PCDH9: variants seen among roughly 807,000 people sequenced by gnomAD.
The protein encoded by PCDH9 is protocadherin-9.
Under a neutral mutation model 70.6 loss-of-function variants are expected in PCDH9, and 24 were observed. The ratio of observed to expected loss-of-function variants is 0.34; its 90% CI spans 0.25 to 0.48. The LOEUF is 0.48. Ranked by LOEUF, PCDH9 falls within the 20% of genes least tolerant of loss-of-function variation. The pLI, the probability that PCDH9 is intolerant of heterozygous loss-of-function variation, is 0.99. For missense variants in PCDH9, 1,281 were observed against 1,503.6 expected (o/e 0.85, Z 2.45); for synonymous variants, 562 against 558.5 (o/e 1.01, Z -0.09).
chr13:66,370,078 G>A (rs1210797850), intron 4 of PCDH9, among the ~76,000 whole-genome samples: 2 of 152,110 alleles, frequency 1.3e-5, no homozygotes, highest in East Asian at 3.9e-4. Context: ...CCTCTTCACT[G>A]CACTCAACAC....
intron 2 of PCDH9, among the ~76,000 whole-genome samples, chr13:66,949,990 C>T (rs1010560800): frequency 6.6e-6 from 1 of 151,672 alleles, no homozygotes; most frequent in Non-Finnish European, 1.5e-5. Flanking sequence ...CTTCTAGGTT[C>T]GATATTCACT....
chr13:66,458,852 C>T (rs1192950919), intron 4 of PCDH9, among the ~76,000 whole-genome samples: 2 of 151,966 alleles, frequency 1.3e-5, no homozygotes, highest in Non-Finnish European at 2.9e-5. Flanking sequence ...CAAATTATAC[C>T]AACTATACAT....
At chr13:66,334,487 A>T (rs991779111) in intron 4 of PCDH9, among the ~76,000 whole-genome samples, 3 of 152,070 alleles carry the variant, frequency 2.0e-5, no homozygotes, top group Non-Finnish European at 4.4e-5. Flanking sequence ...GACCCCCAAC[A>T]GAAAGGGAAA....
intron 4 of PCDH9, among the ~76,000 whole-genome samples, chr13:66,340,472 G>A (rs944614266): frequency 2.6e-5 from 4 of 152,108 alleles, no homozygotes; most frequent in African/African-American, 9.7e-5. Flanking sequence ...ATTTTTAATC[G>A]CAAACAAAAC....
intron 2 of PCDH9, chr13:67,207,075 C>A (rs2089367058): frequency 2.6e-5 from 4 of 151,640 alleles, no homozygotes; most frequent in Non-Finnish European, 5.9e-5. Context: ...TAAAGTATCT[C>A]CCCATGTCTC....
In PCDH9 at chr13:66,392,787, C is replaced by T. The variant is rs181567033; in HGVS notation, c.3341-87759G>A. On this transcript the variant is annotated intron_variant, in intron 4 of 4. Transcript: ENST00000377865. ...GTAGCATCTTTATATTTCTGAATTG[C>T]CCCACCATGACTGAGCTAAAAAGAA... is the stretch of plus-strand genomic sequence containing the variant. Among the ~76,000 whole-genome samples, 9 of 152,110 alleles carry T rather than the reference C, an allele frequency of 5.9e-5. No individual in the cohort carries two copies. In the East Asian group the frequency reaches 1.5e-3, roughly 26 times the overall value.
At chr13:66,553,298 T>C (rs971936410) in intron 4 of PCDH9, among the ~76,000 whole-genome samples, 1 of 152,196 alleles carries the variant, frequency 6.6e-6, no homozygotes, top group Non-Finnish European at 1.5e-5. Flanking sequence ...TAGAGAATAG[T>C]TGAAATTTAC....
rs369262497 is a variant in PCDH9, at chr13:66,363,077, G to A, written c.3341-58049C>T. ...GCCTGTAATCTCAGCTACTCAGGAG[G>A]CTGAGGCTTTAGAATCGCTTGAACC... On this transcript the variant is annotated intron_variant, in intron 4 of 4. Coordinates refer to ENST00000377865, the MANE Select transcript of PCDH9 (RefSeq NM_203487.3). Among the ~76,000 whole-genome samples the A allele has an allele frequency of 4.6e-5, 7 of 152,222 alleles. No individual in the cohort carries two copies. In the East Asian group the frequency reaches 7.7e-4, roughly 17 times the overall value.
intron 4 of PCDH9, among the ~76,000 whole-genome samples, chr13:66,490,651 C>T (rs1959019352): frequency 6.6e-6 from 1 of 151,680 alleles, no homozygotes; most frequent in South Asian, 2.1e-4. Flanking sequence ...AGGTGGTGGT[C>T]TAAGAGAGTG....
chr13:66,325,740 T>A (rs1467295439), intron 4 of PCDH9, among the ~76,000 whole-genome samples: 1 of 151,032 alleles, frequency 6.6e-6, no homozygotes, highest in Non-Finnish European at 1.5e-5. Context: ...ACTCTTATTT[T>A]ATTCACAATT....
chr13:66,944,247 T>G (rs946667154), intron 2 of PCDH9, among the ~76,000 whole-genome samples: 2 of 130,246 alleles, frequency 1.5e-5, no homozygotes, highest in African/African-American at 3.8e-5. Flanking sequence ...CTAATAAATC[T>G]CTGTTTCTTT....
chr13:66,619,254 G>C (rs1019482060), intron 4 of PCDH9, among the ~76,000 whole-genome samples: 1 of 152,098 alleles, frequency 6.6e-6, no homozygotes, highest in African/African-American at 2.4e-5. Flanking sequence ...AAATCATAAA[G>C]TGAGCATAAC....
rs900807468 is a variant in PCDH9 at position 66,337,055 on chromosome 13, T to G, written c.3341-32027A>C. ...GAATGTTTCTTTCCCTAAAATAAAT[T>G]TGAAGATCATTTGAATATAAATTAA... On this transcript the variant is annotated intron_variant, in intron 4 of 4. Coordinates refer to ENST00000377865, the MANE Select transcript of PCDH9 (RefSeq NM_203487.3). Among the ~76,000 whole-genome samples the G allele has an allele frequency of 1.1e-4, 17 of 152,128 alleles. No homozygotes were observed. The East Asian group carries it at 3.3e-3, about 29-fold the overall frequency.
chr13:66,560,814 A>G (rs1388375468), intron 4 of PCDH9, among the ~76,000 whole-genome samples: 2 of 152,250 alleles, frequency 1.3e-5, no homozygotes, highest in Non-Finnish European at 2.9e-5. Context: ...TTCTACCTGT[A>G]GAAAAGTGAC....
In PCDH9 at chr13:66,982,475, G is replaced by A. The variant is rs566261772; in HGVS notation, c.3037-78870C>T. The stretch of plus-strand genomic sequence containing the variant: ...CATAGGCAAGTATTTGAATATAAGA[G>A]CTACATTATAATCCAATATTTGGTT... On this transcript the variant is annotated intron_variant, in intron 2 of 4. Coordinates refer to ENST00000377865, the MANE Select transcript of PCDH9 (RefSeq NM_203487.3). Among the ~76,000 whole-genome samples, 499 of 152,266 alleles carry A rather than the reference G, an allele frequency of 3.3e-3. 1 individual carries two copies. The highest frequency in any genetic ancestry group is 4.4e-3 in the Non-Finnish European group (301 of 68,010).
intron 2 of PCDH9, among the ~76,000 whole-genome samples, chr13:66,944,389 T>C (rs114436046): frequency 0.015 from 2,275 of 152,304 alleles, 48 homozygotes; most frequent in African/African-American, 0.052. Context: ...TCTCATTTCT[T>C]AGTACTTCCT....
chr13:66,818,937 A>AAAAAAACAAAAAAC (rs77488183), intron 3 of PCDH9, among the ~76,000 whole-genome samples: 12 of 146,582 alleles, frequency 8.2e-5, no homozygotes, highest in East Asian at 4.1e-4. Flanking sequence ...CCCGTCTCAA[A>AAAAAAACAAAAAAC]AAAAAACAAA....
At chr13:66,370,337 C>CAT (rs1956623661) in intron 4 of PCDH9, among the ~76,000 whole-genome samples, 1 of 151,984 alleles carries the variant, frequency 6.6e-6, no homozygotes, top group African/African-American at 2.4e-5. Context: ...TGGCTAATTA[C>CAT]ATAGATGGAC....
At chr13:67,113,994 A>G (rs1041043047) in intron 2 of PCDH9, among the ~76,000 whole-genome samples, 3 of 152,160 alleles carry the variant, frequency 2.0e-5, no homozygotes, top group Non-Finnish European at 4.4e-5. Context: ...GCCAAGTCTT[A>G]TTTACGTACT....
Sources: allele counts gnomAD v4.1 joint callset (sites outside exome capture counted in the v4.1 genomes callset), GRCh38; gene constraint gnomAD v4.1.1; transcripts MANE v1.5; gene names NCBI Gene and HGNC (gene_info 2026-07-23, HGNC 2026-07-21).